The following SKIC3 variants were observed in gnomAD, a reference collection of about 807,000 sequenced individuals.
SKIC3 encodes SKI3 subunit of superkiller complex.
the SKIC3 span, chr5:95,490,796 C>T: frequency 5.7e-6 from 8 of 1,405,652 alleles, no homozygotes; most frequent in South Asian, 8.5e-5. Context: ...CCATGCCCGG[C>T]CTAATGAATA....
At chr5:95,469,686 C>A in the SKIC3 span, 12,992 of 1,568,154 alleles carry the variant, frequency 8.3e-3, 205 homozygotes, top group African/African-American at 0.046. Flanking sequence ...TGGTCTGTTA[C>A]AAACTTTAAA....
the SKIC3 span, chr5:95,478,291 A>T: frequency 8.7e-6 from 14 of 1,613,688 alleles, no homozygotes; most frequent in Non-Finnish European, 1.2e-5. Context: ...TGATCTTACC[A>T]TACAGACTTT....
At chr5:95,494,677 T>A in the SKIC3 span, 1 of 1,612,536 alleles carries the variant, frequency 6.2e-7, no homozygotes, top group East Asian at 2.2e-5. Context: ...AGATATTATA[T>A]GCACCTGGAG....
At chr5:95,531,855 A>G in the SKIC3 span, among the ~76,000 whole-genome samples, 1 of 152,132 alleles carries the variant, frequency 6.6e-6, no homozygotes, top group Admixed American at 6.5e-5. Context: ...ACCTCTGGAG[A>G]GTACAGACCA....
the SKIC3 span, among the ~76,000 whole-genome samples, chr5:95,487,949 AT>A: frequency 6.6e-6 from 1 of 152,158 alleles, no homozygotes; most frequent in Admixed American, 6.5e-5. Flanking sequence ...AGAAAAAGCA[AT>A]TTAGGACATT....
chr5:95,514,884 G>C, the SKIC3 span: 15 of 1,612,278 alleles, frequency 9.3e-6, no homozygotes, highest in Admixed American at 6.7e-5. Context: ...AAATAAGATG[G>C]ATCAAGGGAT....
At chr5:95,553,019 G>A in the SKIC3 span, among the ~76,000 whole-genome samples, 2 of 138,560 alleles carry the variant, frequency 1.4e-5, no homozygotes, top group Admixed American at 1.4e-4. Context: ...ATATAAATGT[G>A]GAATGAGGTA....
At chr5:95,498,460 T>C in the SKIC3 span, 11 of 1,614,070 alleles carry the variant, frequency 6.8e-6, no homozygotes, top group Admixed American at 1.7e-4. Context: ...CCTCTGATAA[T>C]TACTGTCTTT....
At chr5:95,512,386 T>C in the SKIC3 span, 2 of 1,427,684 alleles carry the variant, frequency 1.4e-6, no homozygotes, top group Non-Finnish European at 1.9e-6. Flanking sequence ...AGAATACCAA[T>C]ATTTAATTTG....
chr5:95,536,685 AC>A, the SKIC3 span: 1 of 776,492 alleles, frequency 1.3e-6, no homozygotes, highest in East Asian at 2.4e-5. Context: ...TACACATTAT[AC>A]TTCTTTTTAT....
the SKIC3 span, chr5:95,502,752 C>A: frequency 8.9e-7 from 1 of 1,122,410 alleles, no homozygotes; most frequent in Non-Finnish European, 1.3e-6. Flanking sequence ...AATTCAGAAC[C>A]AGGTGGGCCC....
the SKIC3 span, chr5:95,525,766 G>T: frequency 8.6e-7 from 1 of 1,160,504 alleles, no homozygotes; most frequent in Non-Finnish European, 1.3e-6. Context: ...AGAAAAGCAT[G>T]GTCCTAATAG....
At chr5:95,464,463 A>C in the SKIC3 span, 14 of 636,548 alleles carry the variant, frequency 2.2e-5, no homozygotes, top group Non-Finnish European at 3.4e-5. Context: ...TTGCATTCCT[A>C]ACTTAAAAAC....
At chr5:95,530,650 T>A in the SKIC3 span, among the ~76,000 whole-genome samples, 3 of 152,168 alleles carry the variant, frequency 2.0e-5, no homozygotes, top group Admixed American at 2.0e-4. Flanking sequence ...TCTTCCAGCA[T>A]CCAAGGATCA....
the SKIC3 span, chr5:95,516,457 T>C: frequency 2.5e-6 from 4 of 1,612,424 alleles, no homozygotes; most frequent in African/African-American, 2.7e-5. Context: ...CTTGTCTAGT[T>C]GAAAGTCTCA....
At chr5:95,518,494 TCTA>T in the SKIC3 span, among the ~76,000 whole-genome samples, 1 of 150,874 alleles carries the variant, frequency 6.6e-6, no homozygotes, top group African/African-American at 2.5e-5. Context: ...TATCCTCTGT[TCTA>T]CTTTTTACTT....
the SKIC3 span, among the ~76,000 whole-genome samples, chr5:95,486,248 T>C: frequency 1.3e-5 from 2 of 152,134 alleles, no homozygotes; most frequent in Non-Finnish European, 2.9e-5. Context: ...CCCACTGATA[T>C]TCCCTGCCCA....
chr5:95,514,910 G>A, the SKIC3 span: 4 of 1,612,394 alleles, frequency 2.5e-6, no homozygotes, highest in Non-Finnish European at 3.4e-6. Context: ...CATTTTGAAA[G>A]CCTCATGAGC....
chr5:95,543,745 A>G, the SKIC3 span, among the ~76,000 whole-genome samples: 7 of 152,188 alleles, frequency 4.6e-5, no homozygotes, highest in African/African-American at 1.7e-4. Flanking sequence ...TAGTTTCCCC[A>G]TATTAGACAC....
Sources: gnomAD v4.1 joint callset for allele counts (sites outside exome capture counted in the v4.1 genomes callset) on GRCh38, gnomAD v4.1.1 for gene constraint, MANE v1.5 for transcripts, NCBI Gene and HGNC (gene_info 2026-07-23, HGNC 2026-07-21) for gene names.